Variants in C1orf141 observed in about 807,000 individuals in gnomAD.
The protein encoded by C1orf141 is chromosome 1 open reading frame 141.
Under a neutral mutation model 23.2 loss-of-function variants are expected in C1orf141, and 19 were observed. The observed-to-expected ratio is 0.82, with a 90% CI of 0.57 to 1.20. The LOEUF (loss-of-function observed/expected upper bound fraction) is 1.20. Among genes scored for constraint, C1orf141 ranks in the 50% most tolerant of loss-of-function variants. The pLI is 0.00. For synonymous variants in C1orf141, 153 were observed against 154.6 expected, an observed-to-expected ratio of 0.99 and a Z score of 0.08; for missense variants, 469 against 455.1, an observed-to-expected ratio of 1.03 and a Z score of -0.28.
chr1:67,132,591 G>T (rs921475185), intron 1 of C1orf141, among the ~76,000 whole-genome samples: 1 of 152,108 alleles, frequency 6.6e-6, no homozygotes, highest in Non-Finnish European at 1.5e-5. Flanking sequence ...TTTGAAGCAA[G>T]AATTGACTTA....
At chr1:67,121,116 C>T (rs1327660056) in intron 4 of C1orf141, among the ~76,000 whole-genome samples, 2 of 152,182 alleles carry the variant, frequency 1.3e-5, no homozygotes, top group East Asian at 3.9e-4. Flanking sequence ...TCTTCTCTCT[C>T]CCTCCTCCTT....
At chr1:67,102,350 A>G (rs926565926) in intron 5 of C1orf141, among the ~76,000 whole-genome samples, 1 of 124,490 alleles carries the variant, frequency 8.0e-6, no homozygotes, top group African/African-American at 3.4e-5. Flanking sequence ...GTGTGTGTGT[A>G]ATATAAAAAG....
chr1:67,113,654 C>T lies in C1orf141; in HGVS notation c.346+1698G>A, dbSNP rs115960613. The stretch of plus-strand genomic sequence containing the variant: ...TGCTGGGATTACAGCCATGAGCCAC[C>T]GTGCCCGGCCAGGTCTTTGTAAGAA... On this transcript the variant is annotated intron_variant, in intron 5 of 7. Transcript: ENST00000684719. 5.9e-3 allele frequency: 7,117 copies of T among 1,207,452 alleles called. 336 individuals carry two copies. The African/African-American group carries it at 0.1, about 17-fold the overall frequency. 74.8% of individuals were successfully genotyped at this position (1,207,452 alleles called of 1,614,324 possible).
intron 5 of C1orf141, among the ~76,000 whole-genome samples, chr1:67,104,259 A>G (rs1188606594): frequency 2.0e-5 from 3 of 152,200 alleles, no homozygotes; most frequent in Admixed American, 2.0e-4. Flanking sequence ...TAGAGGAAGA[A>G]GAAAATGCTA....
At chr1:67,127,006 A>G (rs555140273) in intron 3 of C1orf141, among the ~76,000 whole-genome samples, 160 bp downstream of exon 3, 4 of 152,214 alleles carry the variant, frequency 2.6e-5, no homozygotes, top group Non-Finnish European at 4.4e-5. Flanking sequence ...TAAAATTTTT[A>G]TATTTGTATA....
intron 5 of C1orf141, among the ~76,000 whole-genome samples, chr1:67,099,378 G>T (rs1193609853): frequency 3.3e-5 from 5 of 152,184 alleles, no homozygotes; most frequent in African/African-American, 9.6e-5. Flanking sequence ...TCTCAAGAGT[G>T]ACAGCAAAAT....
At chr1:67,109,530 T>TA (rs1010398613) in intron 5 of C1orf141, among the ~76,000 whole-genome samples, 11 of 152,214 alleles carry the variant, frequency 7.2e-5, no homozygotes, top group Middle Eastern at 3.4e-3. Context: ...AGAGAATGAA[T>TA]AAAAAACTTG....
intron 5 of C1orf141, among the ~76,000 whole-genome samples, chr1:67,110,489 A>G (rs72922830): frequency 0.03 from 4,584 of 152,158 alleles, 232 homozygotes; most frequent in African/African-American, 0.1. Flanking sequence ...AGAAATATGG[A>G]GTTAATCTTA....
At chr1:67,140,050 G>C (rs1199555592) in intron 1 of C1orf141, among the ~76,000 whole-genome samples, 4 of 152,160 alleles carry the variant, frequency 2.6e-5, no homozygotes, top group African/African-American at 9.7e-5. Context: ...CCTCCCAGCA[G>C]CAAGAAGTCC....
chr1:67,120,904 C>T (rs1257407337), intron 4 of C1orf141, among the ~76,000 whole-genome samples: 1 of 152,178 alleles, frequency 6.6e-6, no homozygotes, highest in African/African-American at 2.4e-5. Flanking sequence ...GGATCCTTCG[C>T]AGAAGAAATT....
rs1645654853 is a variant in C1orf141 at position 67,095,417 on chromosome 1, T to C, written c.421A>G (p.Lys141Glu). The C allele has an allele frequency of 2.0e-6, 3 of 1,515,876 alleles. No homozygotes were observed. In the South Asian group the frequency reaches 3.8e-5, roughly 19 times the overall value. 93.9% of individuals were successfully genotyped at this position (1,515,876 alleles called of 1,614,324 possible). A position where few individuals can be genotyped will look rare whatever the true frequency, so the allele number is the denominator to read the frequency against. Reference protein sequence around the residue: ...LLEGDRNKRKKSPQMNDFNIK... With the variant: ...LLEGDRNKRKESPQMNDFNIK... ...TTAAAATCGTTCATCTGTGGAGATT[T>C]TTTTCTGAAAATAAACACAGTTCAG... The change falls in exon 7 of 8, where the codon AAA (lysine) becomes GAA (glutamate). Residue 141 changes from lysine to glutamate, a missense_variant. Physicochemically the swap from Lys to Glu is moderately conservative, Grantham distance 56. Transcript: ENST00000684719.
At chr1:67,103,173 T>A (rs1645843282) in intron 5 of C1orf141, 1 of 849,586 alleles carries the variant, frequency 1.2e-6, no homozygotes, top group Non-Finnish European at 1.7e-6. Context: ...TTCTTAATGC[T>A]TACACACTAA....
chr1:67,101,341 G>A (rs1570683549), intron 5 of C1orf141, among the ~76,000 whole-genome samples: 1 of 152,204 alleles, frequency 6.6e-6, no homozygotes, highest in South Asian at 2.1e-4. Flanking sequence ...CACAGACTTT[G>A]AATGCTGCTG....
At chr1:67,103,379 C>A in intron 5 of C1orf141, 1 of 1,372,118 alleles carries the variant, frequency 7.3e-7, no homozygotes, top group Non-Finnish European at 9.6e-7. Flanking sequence ...CCTGCATTTT[C>A]CATCTAAACA....
chr1:67,105,746 T>G (rs1261159629), intron 5 of C1orf141, among the ~76,000 whole-genome samples: 1 of 152,094 alleles, frequency 6.6e-6, no homozygotes, highest in African/African-American at 2.4e-5. Flanking sequence ...GTATTGACAC[T>G]TGGTATAACT....
At chr1:67,093,631 G>A in intron 7 of C1orf141, 27 bp from the exon 8 acceptor site, 1 of 1,490,670 alleles carries the variant, frequency 6.7e-7, no homozygotes, top group Non-Finnish European at 8.9e-7. Flanking sequence ...AGAATAATTA[G>A]TCATAAGTTC....
In C1orf141 at chr1:67,096,003, ATGTG is replaced by A. The variant is rs897703605; in HGVS notation, c.416+245_416+248del. 2.0e-4 allele frequency: 57 copies of A among 282,756 alleles called. No homozygotes were observed. The East Asian group carries it at 3.2e-3, about 16-fold the overall frequency. The allele number at this position is 282,756 out of a possible 1,614,324, so 17.5% of individuals were successfully genotyped here. A position where few individuals can be genotyped will look rare whatever the true frequency, so the allele number is the denominator to read the frequency against. ...CATGTCCATGTTGTCATGTAAGTAA[ATGTG>A]TGTATTTACTAAAAAAAAAAATTGT... On this transcript the variant is annotated intron_variant, in intron 6 of 7. Coordinates refer to ENST00000684719, the MANE Select transcript of C1orf141 (RefSeq NM_001276351.2).
At chr1:67,105,057 T>C (rs1645889167) in intron 5 of C1orf141, among the ~76,000 whole-genome samples, 1 of 152,156 alleles carries the variant, frequency 6.6e-6, no homozygotes, top group African/African-American at 2.4e-5. Context: ...CCAGGTACGG[T>C]GGCTCGTGCC....
At chr1:67,124,649 C>T (rs755311301) in intron 4 of C1orf141, among the ~76,000 whole-genome samples, 41 of 152,184 alleles carry the variant, frequency 2.7e-4, no homozygotes, top group Non-Finnish European at 5.6e-4. Flanking sequence ...CGTGGGCTGC[C>T]TAGTGCATAG....
Sources: gnomAD v4.1 joint callset for allele counts (sites outside exome capture counted in the v4.1 genomes callset) on GRCh38, gnomAD v4.1.1 for gene constraint, MANE v1.5 for transcripts, NCBI Gene and HGNC (gene_info 2026-07-23, HGNC 2026-07-21) for gene names.